Variants in SLC39A14 observed in about 807,000 individuals in gnomAD.
SLC39A14 encodes the protein solute carrier family 39 member 14.
In SLC39A14, 19 loss-of-function variants were observed where a neutral mutation model predicts 45.5. The ratio of observed to expected loss-of-function variants is 0.42; its 90% CI spans 0.29 to 0.61. The LOEUF (loss-of-function observed/expected upper bound fraction) is 0.61. Among genes scored for constraint, SLC39A14 ranks in the 20% least tolerant of loss-of-function variants. The pLI, the probability that SLC39A14 is intolerant of heterozygous loss-of-function variation, is 0.22. For missense variants in SLC39A14, 447 were observed against 616.5 expected, an observed-to-expected ratio of 0.73 and a Z score of 2.91; for synonymous variants, 264 against 251.3, an observed-to-expected ratio of 1.05 and a Z score of -0.48.
chr8:22,412,049 G>T lies in SLC39A14; in HGVS notation c.470G>T (p.Gly157Val). The change falls in exon 4 of 9, where the codon GGT becomes GTT. Residue 157 changes from glycine to valine, a missense_variant. Physicochemically the swap from Gly to Val is moderately radical, Grantham distance 109. Coordinates refer to ENST00000381237, the MANE Select transcript of SLC39A14 (RefSeq NM_001128431.4). ...RPSAVEVWGY[G>V]LLCVTVISLC... ...CTCCGCACGGCAGTGTGGGGATACG[G>T]TCTCCTCTGTGTGACCGTCATCTCC... The T allele has an allele frequency of 6.4e-7, 1 of 1,551,196 alleles. No individual in the cohort carries two copies. The highest frequency in any genetic ancestry group is 1.2e-5 in the South Asian group (1 of 84,044).
intron 1 of SLC39A14, among the ~76,000 whole-genome samples, chr8:22,370,253 C>T (rs1832856760): frequency 6.6e-6 from 1 of 152,138 alleles, no homozygotes; most frequent in African/African-American, 2.4e-5. Flanking sequence ...TTACCTTCTT[C>T]CTCCTTCCTT....
intron 8 of SLC39A14, among the ~76,000 whole-genome samples, chr8:22,430,871 C>T (rs1836455552): frequency 6.6e-6 from 1 of 152,056 alleles, no homozygotes. Context: ...CAAGGTTTTA[C>T]CATGTTGGCC....
chr8:22,397,598 AAAAG>A (rs1414420858), intron 1 of SLC39A14, among the ~76,000 whole-genome samples: 31 of 152,002 alleles, frequency 2.0e-4, no homozygotes, highest in Middle Eastern at 3.4e-3. Context: ...CCAAAAAAAA[AAAAG>A]AAAGACCTCC....
At chr8:22,425,684 T>C (rs914639491), downstream of SLC39A14, among the ~76,000 whole-genome samples, 10 of 152,144 alleles carry the variant, frequency 6.6e-5, no homozygotes, top group African/African-American at 2.4e-4. Context: ...CCAGATGTCT[T>C]TTCAGGAGTT....
intron 1 of SLC39A14, among the ~76,000 whole-genome samples, chr8:22,396,652 G>A (rs1166444153): frequency 2.0e-5 from 3 of 150,792 alleles, no homozygotes; most frequent in African/African-American, 4.9e-5. Flanking sequence ...AATGTGGCCC[G>A]GGAGCCCTTA....
chr8:22,393,651 GT>G (rs1034770790), intron 1 of SLC39A14, among the ~76,000 whole-genome samples: 38 of 151,898 alleles, frequency 2.5e-4, no homozygotes, highest in Admixed American at 2.4e-3. Context: ...AGCCAAATGT[GT>G]TTTTTTTAAT....
downstream of SLC39A14, among the ~76,000 whole-genome samples, chr8:22,426,194 T>TTTTTA (rs58920034): frequency 5.0e-3 from 761 of 151,848 alleles, 3 homozygotes; most frequent in African/African-American, 0.016. Context: ...GCCCGGCTTG[T>TTTTTA]TTTTATTTTA....
rs115403869 is a variant in SLC39A14 at position 22,391,454 on chromosome 8, T to C, written c.-15-13242T>C. 4.0e-3 allele frequency among the ~76,000 whole-genome samples: 613 copies of C among 152,320 alleles called. 5 individuals are homozygous for C. Among genetic ancestry groups the C allele is most frequent in the African/African-American group, 0.014 (581 of 41,570 alleles). The stretch of plus-strand genomic sequence containing the variant: ...TTCAAGGTCAGGGAGTTGTTTACTC[T>C]AGAGAAGTGCATAATAGGTGGTCCT... On this transcript the variant is annotated intron_variant, in intron 1 of 8. Coordinates refer to ENST00000381237, the MANE Select transcript of SLC39A14 (RefSeq NM_001128431.4).
chr8:22,415,039 G>C (rs1375799083), intron 5 of SLC39A14, 137 bp downstream of exon 5: 1 of 1,071,710 alleles, frequency 9.3e-7, no homozygotes, highest in Non-Finnish European at 1.3e-6. Context: ...TTCTTGAGGA[G>C]ACAATCCCAT....
At chr8:22,404,110 AC>A (rs1835052256) in intron 1 of SLC39A14, among the ~76,000 whole-genome samples, 1 of 151,820 alleles carries the variant, frequency 6.6e-6, no homozygotes, top group Non-Finnish European at 1.5e-5. Context: ...TTATTTCAGT[AC>A]CTCTAAAACG....
chr8:22,413,758 G>A (rs563393088), intron 4 of SLC39A14, among the ~76,000 whole-genome samples: 11 of 152,152 alleles, frequency 7.2e-5, no homozygotes, highest in South Asian at 6.2e-4. Flanking sequence ...GAATAAAATA[G>A]GAGCAAGTCG....
In SLC39A14 at chr8:22,421,690, C is replaced by G; in HGVS notation, c.*1992C>G. ...TGGAAGATTTTGCTTTAACCTAACTCGCATTGATGTATTAAATTTATAATT... is the reference window on the plus strand; with the variant it reads ...TGGAAGATTTTGCTTTAACCTAACTGGCATTGATGTATTAAATTTATAATT... On this transcript the variant is annotated 3_prime_UTR_variant, in exon 9 of 9. Transcript: ENST00000381237. 1 of 984,546 alleles carries G rather than the reference C, an allele frequency of 1.0e-6. No homozygotes were observed. Among genetic ancestry groups the G allele is most frequent in the Non-Finnish European group, 1.2e-6 (1 of 828,748 alleles). The allele number at this position is 984,546 out of a possible 1,614,324, so 61.0% of individuals were successfully genotyped here.
intron 1 of SLC39A14, among the ~76,000 whole-genome samples, chr8:22,376,447 T>C (rs1833223563): frequency 6.7e-6 from 1 of 149,504 alleles, no homozygotes. Flanking sequence ...CCTCCCAAAG[T>C]GTTGGGATTA....
At chr8:22,386,206 A>G (rs1345216097) in intron 1 of SLC39A14, among the ~76,000 whole-genome samples, 2 of 151,766 alleles carry the variant, frequency 1.3e-5, no homozygotes, top group Non-Finnish European at 1.5e-5. Context: ...CAGCCTCCCA[A>G]AGTGCTGGGA....
At chr8:22,371,157 A>G (rs773652802) in intron 1 of SLC39A14, among the ~76,000 whole-genome samples, 1 of 152,182 alleles carries the variant, frequency 6.6e-6, no homozygotes. Context: ...TGGCCTGCCC[A>G]AGGGAGCCCA....
intron 1 of SLC39A14, among the ~76,000 whole-genome samples, chr8:22,378,371 C>T (rs1334691027): frequency 3.9e-5 from 6 of 152,198 alleles, no homozygotes; most frequent in Non-Finnish European, 4.4e-5. Flanking sequence ...TCCTAGAAGA[C>T]TAAACTTAGG....
rs1392786679 is a variant in SLC39A14 at position 22,404,990 on chromosome 8, C to T, written c.270+10C>T. On this transcript the variant is annotated intron_variant, in intron 2 of 8. Coordinates refer to ENST00000381237, the MANE Select transcript of SLC39A14 (RefSeq NM_001128431.4). Reference sequence around the variant, plus strand: ...CAGGAACCTCTCCACGGTAAGGCTCCCCTGTGAGCCAGCAGCTCTGCTCAG... The same window carrying T: ...CAGGAACCTCTCCACGGTAAGGCTCTCCTGTGAGCCAGCAGCTCTGCTCAG... 10 of 1,610,810 alleles carry T rather than the reference C, an allele frequency of 6.2e-6. 1 individual carries two copies. The highest frequency in any genetic ancestry group is 8.5e-6 in the Non-Finnish European group (10 of 1,178,188).
chr8:22,397,958 GT>G (rs1834604054), intron 1 of SLC39A14, among the ~76,000 whole-genome samples: 1 of 152,168 alleles, frequency 6.6e-6, no homozygotes, highest in Non-Finnish European at 1.5e-5. Context: ...CCTGGGTGAT[GT>G]GCCAGGATCA....
chr8:22,425,641 G>T (rs953374954), downstream of SLC39A14, among the ~76,000 whole-genome samples: 1 of 151,984 alleles, frequency 6.6e-6, no homozygotes, highest in African/African-American at 2.4e-5. Context: ...CCAAAAAACA[G>T]TTGTATTTCT....
Sources: allele counts gnomAD v4.1 joint callset (sites outside exome capture counted in the v4.1 genomes callset), GRCh38; gene constraint gnomAD v4.1.1; transcripts MANE v1.5; gene names NCBI Gene and HGNC (gene_info 2026-07-23, HGNC 2026-07-21).